PTPRM: variants seen among roughly 807,000 people sequenced by gnomAD.
PTPRM encodes the protein receptor-type tyrosine-protein phosphatase mu.
In PTPRM, 47 loss-of-function variants were observed where a neutral mutation model predicts 186.7. The ratio of observed to expected loss-of-function variants is 0.25; its 90% confidence interval spans 0.20 to 0.32. The LOEUF (loss-of-function observed/expected upper bound fraction) is 0.32, where lower values mean the gene tolerates loss of function less well. Ranked by LOEUF, PTPRM falls within the 10% of genes least tolerant of loss-of-function variation. The pLI is 1.00. For missense variants in PTPRM, 1,494 were observed against 1,865.0 expected (o/e 0.80, Z 3.66); for synonymous variants, 668 against 674.9 (o/e 0.99, Z 0.16).
intron 4 of PTPRM, among the ~76,000 whole-genome samples, chr18:7,916,290 C>T (rs943258458): frequency 5.3e-5 from 8 of 152,152 alleles, no homozygotes; most frequent in African/African-American, 1.4e-4. Context: ...CAAAACTGGG[C>T]GTACCATAGA....
chr18:7,653,113 T>C (rs1050455206), intron 1 of PTPRM, among the ~76,000 whole-genome samples: 2 of 140,450 alleles, frequency 1.4e-5, no homozygotes, highest in Non-Finnish European at 3.0e-5. Context: ...GATACCACTA[T>C]GTACTTTATT....
chr18:7,649,219 A>G (rs1280849421), intron 1 of PTPRM, among the ~76,000 whole-genome samples: 4 of 152,220 alleles, frequency 2.6e-5, no homozygotes, highest in Non-Finnish European at 5.9e-5. Context: ...TCAGACAAAA[A>G]GATTCCTTTC....
intron 19 of PTPRM, among the ~76,000 whole-genome samples, chr18:8,282,654 C>A (rs2094916399): frequency 3.9e-5 from 6 of 152,100 alleles, no homozygotes; most frequent in Admixed American, 3.9e-4. Context: ...AAGAGCTAAA[C>A]CCTGTCGCAA....
chr18:7,795,979 T>C (rs900884704), intron 2 of PTPRM, among the ~76,000 whole-genome samples: 2 of 151,844 alleles, frequency 1.3e-5, no homozygotes, highest in South Asian at 2.1e-4. Context: ...ACAGCTAATT[T>C]TTAAATTTTT....
intron 31 of PTPRM, 42 bp downstream of exon 31, chr18:8,387,277 C>T: frequency 1.3e-6 from 2 of 1,567,798 alleles, no homozygotes; most frequent in Non-Finnish European, 1.7e-6. Flanking sequence ...ACAGCGAGGC[C>T]CCACACTCAC....
intron 4 of PTPRM, among the ~76,000 whole-genome samples, chr18:7,919,847 T>C (rs2146714170): frequency 6.6e-6 from 1 of 152,288 alleles, no homozygotes; most frequent in African/African-American, 2.4e-5. Flanking sequence ...TTTAGATCTA[T>C]GTTTGCTTTA....
intron 7 of PTPRM, among the ~76,000 whole-genome samples, chr18:7,992,021 AAGTT>A (rs1316632497): frequency 5.3e-5 from 8 of 152,150 alleles, no homozygotes; most frequent in African/African-American, 1.9e-4. Context: ...AAGGTAAAGA[AAGTT>A]AGTCAAAAAG....
intron 14 of PTPRM, among the ~76,000 whole-genome samples, chr18:8,194,579 G>A (rs544027990): frequency 3.9e-5 from 6 of 152,306 alleles, no homozygotes; most frequent in South Asian, 2.1e-4. Flanking sequence ...GTAGCTGTGC[G>A]TGCTCATTCA....
chr18:7,787,768 C>T (rs756655140), intron 2 of PTPRM, among the ~76,000 whole-genome samples: 23 of 152,180 alleles, frequency 1.5e-4, no homozygotes, highest in Non-Finnish European at 2.8e-4. Flanking sequence ...CCTTTATACT[C>T]TGTAAATGTT....
intron 1 of PTPRM, among the ~76,000 whole-genome samples, chr18:7,660,317 CA>C (rs1270624861): frequency 6.7e-5 from 10 of 148,248 alleles, no homozygotes; most frequent in Non-Finnish European, 1.0e-4. Context: ...GCCTGGGTGA[CA>C]AAGAGAGACA....
rs530637138 is a variant in PTPRM, at chr18:7,571,344, A to G, written c.73+3453A>G. On this transcript the variant is annotated intron_variant, in intron 1 of 32. Transcript: ENST00000580170. ...TTAGTGTTCACTAAAAATAACTGGT[A>G]AGATGGTATATAAGTAAGACATGAG... 7.2e-5 allele frequency among the ~76,000 whole-genome samples: 11 copies of G among 152,328 alleles called. No homozygotes were observed. In the South Asian group the frequency reaches 2.1e-3, roughly 29 times the overall value.
chr18:8,402,592 G>T (rs2095877929), intron 32 of PTPRM, among the ~76,000 whole-genome samples: 1 of 152,152 alleles, frequency 6.6e-6, no homozygotes, highest in South Asian at 2.1e-4. Flanking sequence ...ATGCAGTAAG[G>T]GATGGGACCG....
At chr18:7,611,071 A>G (rs2143850367) in intron 1 of PTPRM, among the ~76,000 whole-genome samples, 1 of 152,332 alleles carries the variant, frequency 6.6e-6, no homozygotes, top group South Asian at 2.1e-4. Flanking sequence ...TAACAAACAA[A>G]AAAAGAAAAA....
chr18:8,343,312 A>G, intron 22 of PTPRM, 111 bp from the exon 23 acceptor site: 1 of 788,226 alleles, frequency 1.3e-6, no homozygotes, highest in African/African-American at 1.7e-5. Context: ...GTCCATCTGT[A>G]CAAGTGAGGG....
At chr18:8,153,804 T>C (rs2093063245) in intron 14 of PTPRM, among the ~76,000 whole-genome samples, 1 of 152,232 alleles carries the variant, frequency 6.6e-6, no homozygotes, top group Non-Finnish European at 1.5e-5. Context: ...CCACATTGTT[T>C]GGTTAGAAGA....
At chr18:8,271,596 T>A (rs1410493288) in intron 19 of PTPRM, among the ~76,000 whole-genome samples, 3 of 152,180 alleles carry the variant, frequency 2.0e-5, no homozygotes, top group Non-Finnish European at 2.9e-5. Flanking sequence ...TGTTTAAAAG[T>A]CACCTGTAAA....
chr18:8,352,632 C>CTTTTTTTTTTTTTT (rs58235619), intron 23 of PTPRM, among the ~76,000 whole-genome samples: 6 of 130,452 alleles, frequency 4.6e-5, no homozygotes, highest in African/African-American at 8.5e-5. Flanking sequence ...TTTTTCTTTT[C>CTTTTTTTTTTTTTT]TTTTTTTTTT....
At chr18:7,811,063 A>G (rs527614583) in intron 2 of PTPRM, among the ~76,000 whole-genome samples, 1 of 152,322 alleles carries the variant, frequency 6.6e-6, no homozygotes, top group East Asian at 1.9e-4. Flanking sequence ...ATATTGCAGC[A>G]TAGGCAAGCA....
At chr18:8,375,100 C>T (rs1249172165) in intron 24 of PTPRM, among the ~76,000 whole-genome samples, 1 of 152,192 alleles carries the variant, frequency 6.6e-6, no homozygotes, top group African/African-American at 2.4e-5. Flanking sequence ...TAGGCTTATA[C>T]TTAGAAAACA....
Sources: gnomAD v4.1 joint callset for allele counts (sites outside exome capture counted in the v4.1 genomes callset) on GRCh38, gnomAD v4.1.1 for gene constraint, MANE v1.5 for transcripts, NCBI Gene and HGNC (gene_info 2026-07-23, HGNC 2026-07-21) for gene names.